Variants in CDH13 observed in about 807,000 individuals in gnomAD.
CDH13 encodes cadherin-13.
In CDH13, 24 loss-of-function variants were observed where a neutral mutation model predicts 63.8. The observed-to-expected ratio is 0.38, with a 90% CI of 0.27 to 0.53. The LOEUF (loss-of-function observed/expected upper bound fraction) is 0.53. CDH13 is among the 20% of genes least tolerant of loss of function. CDH13 has a pLI of 0.85. For missense variants in CDH13, 1,049 were observed against 903.1 expected, an observed-to-expected ratio of 1.16 and a Z score of -2.07; for synonymous variants, 503 against 355.3, an observed-to-expected ratio of 1.42 and a Z score of -4.67.
chr16:82,771,204 T>G (rs1369448496), intron 1 of CDH13, among the ~76,000 whole-genome samples: 3 of 152,256 alleles, frequency 2.0e-5, no homozygotes, highest in South Asian at 4.1e-4. Flanking sequence ...TCTTCCTTTG[T>G]GTTCATTCAC....
At chr16:83,745,527 C>T (rs985440336) in intron 10 of CDH13, among the ~76,000 whole-genome samples, 2 of 152,122 alleles carry the variant, frequency 1.3e-5, no homozygotes, top group Admixed American at 6.5e-5. Flanking sequence ...GGTGGCCAGG[C>T]GAGGGTGGTA....
intron 1 of CDH13, among the ~76,000 whole-genome samples, chr16:82,643,859 C>A (rs541818348): frequency 4.6e-5 from 7 of 151,738 alleles, no homozygotes; most frequent in African/African-American, 1.7e-4. Context: ...CCTCTTGCCT[C>A]AGTTCTGGAA....
chr16:82,718,453 C>G (rs2032537406), intron 1 of CDH13, among the ~76,000 whole-genome samples: 1 of 152,092 alleles, frequency 6.6e-6, no homozygotes, highest in African/African-American at 2.4e-5. Flanking sequence ...AAGTAACCAG[C>G]AACTGGGGTG....
intron 1 of CDH13, among the ~76,000 whole-genome samples, chr16:82,848,257 G>T (rs2039346238): frequency 6.6e-6 from 1 of 152,190 alleles, no homozygotes; most frequent in African/African-American, 2.4e-5. Context: ...ACTGGGTTCA[G>T]GTTACAGCAG....
chr16:83,576,629 C>T (rs1032569224), intron 7 of CDH13, among the ~76,000 whole-genome samples: 1 of 152,216 alleles, frequency 6.6e-6, no homozygotes, highest in Admixed American at 6.5e-5. Flanking sequence ...CAACAGTACA[C>T]AAGAATTCCA....
At chr16:83,634,909 G>T (rs1045336041) in intron 8 of CDH13, among the ~76,000 whole-genome samples, 14 of 152,182 alleles carry the variant, frequency 9.2e-5, no homozygotes, top group Non-Finnish European at 1.3e-4. Context: ...TTTGTGTAAG[G>T]CTTTTGTGTG....
chr16:83,077,738 G>T (rs931743534), intron 3 of CDH13, among the ~76,000 whole-genome samples: 2 of 152,122 alleles, frequency 1.3e-5, no homozygotes, highest in African/African-American at 2.4e-5. Flanking sequence ...AGCAGTAAAA[G>T]GGTATGTCAT....
intron 3 of CDH13, among the ~76,000 whole-genome samples, chr16:83,119,537 C>G (rs147930802): frequency 5.9e-5 from 9 of 152,316 alleles, no homozygotes; most frequent in African/African-American, 2.2e-4. Context: ...TTACGCTGAT[C>G]TTCAGTTCTT....
At chr16:82,759,413 T>G (rs571130279) in intron 1 of CDH13, among the ~76,000 whole-genome samples, 1 of 151,782 alleles carries the variant, frequency 6.6e-6, no homozygotes, top group Non-Finnish European at 1.5e-5. Context: ...TAGGGACCAA[T>G]GCATTATGGT....
chr16:83,553,713 C>T (rs2075552778), intron 7 of CDH13, among the ~76,000 whole-genome samples: 1 of 152,158 alleles, frequency 6.6e-6, no homozygotes, highest in African/African-American at 2.4e-5. Flanking sequence ...CCCACCACCA[C>T]ACTTGGCTAA....
At position 83,678,806 on chromosome 16, in the gene CDH13, C is replaced by T. The variant is rs181759545; in HGVS notation, c.1538+345C>T. Among the ~76,000 whole-genome samples the T allele has an allele frequency of 7.2e-5, 11 of 152,302 alleles. No homozygotes were observed. The East Asian group carries it at 1.9e-3, about 27-fold the overall frequency. ...GACCTCCTGCATCTCAGAAACTTGC[C>T]TACTTTGTCATCAGCACTGCTTTAT... On this transcript the variant is annotated intron_variant, in intron 10 of 13. Transcript: ENST00000567109.
intron 2 of CDH13, among the ~76,000 whole-genome samples, chr16:82,892,875 G>A (rs2041128698): frequency 6.6e-6 from 1 of 152,042 alleles, no homozygotes; most frequent in South Asian, 2.1e-4. Context: ...GTCAAGTATG[G>A]TAATTATTTT....
chr16:82,710,984 G>A (rs979566232), intron 1 of CDH13, among the ~76,000 whole-genome samples: 6 of 150,734 alleles, frequency 4.0e-5, no homozygotes, highest in African/African-American at 1.5e-4. Flanking sequence ...TAAACAAGGT[G>A]CAGAAAGAAG....
At chr16:83,558,422 CA>C (rs1488390467) in intron 7 of CDH13, among the ~76,000 whole-genome samples, 3 of 152,168 alleles carry the variant, frequency 2.0e-5, no homozygotes, top group Admixed American at 6.5e-5. Context: ...CTGTTATGTG[CA>C]ACAACTTCTT....
chr16:82,662,586 G>C (rs142162540), intron 1 of CDH13, among the ~76,000 whole-genome samples: 193 of 152,326 alleles, frequency 1.3e-3, no homozygotes, highest in African/African-American at 4.5e-3. Context: ...ACCACTATCA[G>C]GTCTTGCCCA....
chr16:83,726,352 A>G (rs1217445089), intron 10 of CDH13: 2 of 150,680 alleles, frequency 1.3e-5, no homozygotes, highest in Non-Finnish European at 3.0e-5. Flanking sequence ...TGGAGAAACA[A>G]GGACCCTAGA....
chr16:82,958,849 G>A (rs149941846), intron 2 of CDH13, among the ~76,000 whole-genome samples: 1 of 152,272 alleles, frequency 6.6e-6, no homozygotes, highest in African/African-American at 2.4e-5. Context: ...ATTCACCTGG[G>A]TGAGTACTCA....
intron 6 of CDH13, among the ~76,000 whole-genome samples, chr16:83,432,173 A>G (rs945807233): frequency 2.0e-5 from 3 of 152,132 alleles, no homozygotes; most frequent in African/African-American, 7.2e-5. Context: ...GAAATTTCAG[A>G]TTCCCTGTGA....
At chr16:83,586,377 C>T (rs981356022) in intron 7 of CDH13, among the ~76,000 whole-genome samples, 3 of 152,180 alleles carry the variant, frequency 2.0e-5, no homozygotes, top group African/African-American at 7.2e-5. Context: ...GGAGGAAAGG[C>T]AGAGACTCCG....
Sources: allele counts gnomAD v4.1 joint callset (sites outside exome capture counted in the v4.1 genomes callset), GRCh38; gene constraint gnomAD v4.1.1; transcripts MANE v1.5; gene names NCBI Gene and HGNC (gene_info 2026-07-23, HGNC 2026-07-21).